Variants in CDK6 observed in about 807,000 individuals in gnomAD.
The protein encoded by CDK6 is cyclin-dependent kinase 6.
In CDK6, 6 loss-of-function variants were observed where a neutral mutation model predicts 37.1. The ratio of observed to expected loss-of-function variants is 0.16; its 90% confidence interval spans 0.09 to 0.32. CDK6 has a LOEUF of 0.32. CDK6 is among the 10% of genes least tolerant of loss of function. The probability of loss-of-function intolerance (pLI) is 1.00; values close to 1 mark genes in which losing one functional copy is unlikely to be tolerated. For synonymous variants in CDK6, 160 were observed against 161.3 expected (o/e 0.99, Z 0.06); for missense variants, 224 against 418.9 (o/e 0.53, Z 4.06).
chr7:92,802,498 G>A (rs1362757661), intron 2 of CDK6, among the ~76,000 whole-genome samples: 2 of 152,084 alleles, frequency 1.3e-5, no homozygotes, highest in Non-Finnish European at 2.9e-5. Flanking sequence ...AGTATTAAGA[G>A]AATTCTGTCT....
chr7:92,719,543 A>G (rs923592701), intron 4 of CDK6, among the ~76,000 whole-genome samples: 12 of 152,182 alleles, frequency 7.9e-5, no homozygotes, highest in African/African-American at 2.9e-4. Flanking sequence ...TTCTTGGAGA[A>G]AGAGAATATA....
At chr7:92,831,796 C>G (rs1438827920) in intron 2 of CDK6, among the ~76,000 whole-genome samples, 5 of 152,190 alleles carry the variant, frequency 3.3e-5, no homozygotes, top group African/African-American at 1.2e-4. Flanking sequence ...CCGCACAAAT[C>G]ACCAGCCTGG....
At chr7:92,772,644 G>A (rs1236766165) in intron 3 of CDK6, among the ~76,000 whole-genome samples, 1 of 151,246 alleles carries the variant, frequency 6.6e-6, no homozygotes, top group Non-Finnish European at 1.5e-5. Context: ...ACTGCCCCCT[G>A]TCTTCTCCTC....
chr7:92,655,259 T>C (rs970412688), intron 5 of CDK6, among the ~76,000 whole-genome samples: 16 of 152,140 alleles, frequency 1.1e-4, no homozygotes, highest in Non-Finnish European at 2.1e-4. Context: ...GAGGGGCCAG[T>C]AGGTATCACT....
intron 2 of CDK6, among the ~76,000 whole-genome samples, chr7:92,782,003 T>C (rs1173528000): frequency 6.6e-6 from 1 of 152,206 alleles, no homozygotes; most frequent in Non-Finnish European, 1.5e-5. Context: ...CCAAATGGTA[T>C]AGCTCCAGGA....
At chr7:92,776,539 A>C (rs1799855332) in intron 2 of CDK6, among the ~76,000 whole-genome samples, 2 of 152,208 alleles carry the variant, frequency 1.3e-5, no homozygotes, top group South Asian at 4.1e-4. Context: ...GTGTAAAAGC[A>C]TTCCTGTTTC....
chr7:92,618,006 C>G, intron 7 of CDK6, 66 bp downstream of exon 7: 1 of 1,549,420 alleles, frequency 6.5e-7, no homozygotes, highest in Non-Finnish European at 8.8e-7. Context: ...TGCCCACCAC[C>G]CAGTCTGGGT....
chr7:92,693,246 G>A (rs1221046065), intron 4 of CDK6, among the ~76,000 whole-genome samples: 1 of 152,158 alleles, frequency 6.6e-6, no homozygotes, highest in African/African-American at 2.4e-5. Context: ...TGGGTTAAGA[G>A]AAAGAGATAC....
intron 3 of CDK6, among the ~76,000 whole-genome samples, chr7:92,768,172 C>T (rs764891523): frequency 1.3e-5 from 2 of 151,914 alleles, no homozygotes; most frequent in Admixed American, 6.6e-5. Context: ...AGGCTGATAG[C>T]GGTGGTGGGA....
chr7:92,749,598 T>C (rs1439890046), intron 3 of CDK6, among the ~76,000 whole-genome samples: 3 of 152,202 alleles, frequency 2.0e-5, no homozygotes, highest in African/African-American at 7.2e-5. Context: ...TATAATCACA[T>C]GTACATTTTT....
chr7:92,771,254 T>A (rs1326687407), intron 3 of CDK6, among the ~76,000 whole-genome samples: 4 of 112,908 alleles, frequency 3.5e-5, no homozygotes, highest in African/African-American at 6.5e-5. Flanking sequence ...AATAAATAAA[T>A]AAAAATAAAG....
At chr7:92,623,279 T>A (rs3731352) in intron 5 of CDK6, among the ~76,000 whole-genome samples, 193 bp from the exon 6 acceptor site, 136 of 152,266 alleles carry the variant, frequency 8.9e-4, no homozygotes, top group African/African-American at 3.2e-3. Flanking sequence ...GGATCTCTCA[T>A]GAATACCTGG....
chr7:92,800,087 T>C (rs934010109), intron 2 of CDK6, among the ~76,000 whole-genome samples: 2 of 152,156 alleles, frequency 1.3e-5, no homozygotes, highest in African/African-American at 4.8e-5. Context: ...ATTGGCCAAT[T>C]CTAGGACTTA....
Position 92,609,539 on chromosome 7 carries a change from T to C in CDK6, c.*5601A>G. ...AGGGCTCTGTTTCAATACAGCAATT[T>C]TTCAGACAAAAGTTTTGTCTACTGA... On this transcript the variant is annotated 3_prime_UTR_variant, in exon 8 of 8. Coordinates refer to ENST00000424848, the MANE Select transcript of CDK6 (RefSeq NM_001145306.2). 4.4e-6 allele frequency: 1 copy of C among 229,282 alleles called. No homozygotes were observed. Among genetic ancestry groups the C allele is most frequent in the Non-Finnish European group, 8.6e-6 (1 of 115,722 alleles). The allele number at this position is 229,282 out of a possible 1,614,324, so 14.2% of individuals were successfully genotyped here. A position where few individuals can be genotyped will look rare whatever the true frequency, so the allele number is the denominator to read the frequency against.
In CDK6 at chr7:92,725,812, G is replaced by T. The variant is rs148326281; in HGVS notation, c.370-19C>A. The T allele has an allele frequency of 1.2e-5, 20 of 1,600,210 alleles. No individual in the cohort carries two copies. The highest frequency in any genetic ancestry group is 1.6e-5 in the Non-Finnish European group (19 of 1,172,502). On this transcript the variant is annotated intron_variant, in intron 3 of 7. Coordinates refer to ENST00000424848, the MANE Select transcript of CDK6 (RefSeq NM_001145306.2). ...TCATATCCTAATAAAATTAAAAAAAGAAAATCAGTAAACACTCAAAACGGA... is the reference window on the plus strand; with the variant it reads ...TCATATCCTAATAAAATTAAAAAAATAAAATCAGTAAACACTCAAAACGGA...
intron 4 of CDK6, among the ~76,000 whole-genome samples, chr7:92,676,956 C>CAAAA (rs1199410067): frequency 1.5e-5 from 1 of 65,166 alleles, no homozygotes; most frequent in Non-Finnish European, 3.1e-5. Flanking sequence ...GACTCCGTCT[C>CAAAA]AAAAAAAAAA....
intron 2 of CDK6, among the ~76,000 whole-genome samples, chr7:92,811,098 A>C (rs1034046476): frequency 6.6e-6 from 1 of 152,172 alleles, no homozygotes; most frequent in Non-Finnish European, 1.5e-5. Context: ...TATCAAAATA[A>C]TACTTTATTG....
intron 3 of CDK6, among the ~76,000 whole-genome samples, chr7:92,742,548 A>G (rs556933405): frequency 1.3e-5 from 2 of 152,276 alleles, no homozygotes; most frequent in Non-Finnish European, 2.9e-5. Flanking sequence ...TACTTTAACT[A>G]TATATCTAAG....
chr7:92,617,084 A>G (rs779935356), intron 7 of CDK6, among the ~76,000 whole-genome samples: 1 of 152,192 alleles, frequency 6.6e-6, no homozygotes, highest in Non-Finnish European at 1.5e-5. Context: ...GTTGGATACT[A>G]TGGTAGATTG....
Sources: allele counts gnomAD v4.1 joint callset (sites outside exome capture counted in the v4.1 genomes callset), GRCh38; gene constraint gnomAD v4.1.1; transcripts MANE v1.5; gene names NCBI Gene and HGNC (gene_info 2026-07-23, HGNC 2026-07-21).